Variants in CEP57 observed in about 807,000 individuals in gnomAD.
CEP57 encodes centrosomal protein of 57 kDa.
In CEP57, 40 loss-of-function variants were observed where a neutral mutation model predicts 68.0. That is an observed-to-expected ratio of 0.59 (90% CI 0.46 to 0.77). CEP57 has a LOEUF of 0.77. Ranked by LOEUF, CEP57 falls within the 30% of genes least tolerant of loss-of-function variation. The pLI is 0.00. For missense variants in CEP57, 606 were observed against 580.7 expected, an observed-to-expected ratio of 1.04 and a Z score of -0.45; for synonymous variants, 219 against 198.7, an observed-to-expected ratio of 1.10 and a Z score of -0.86.
intron 1 of CEP57, among the ~76,000 whole-genome samples, chr11:95,796,696 A>C (rs1861362537): frequency 6.6e-6 from 1 of 152,228 alleles, no homozygotes; most frequent in South Asian, 2.1e-4. Context: ...CACTGCCCAG[A>C]TGTTGCTCAG....
In CEP57 at chr11:95,790,673, C is replaced by A. The variant is rs1185350559; in HGVS notation, c.-26C>A. On this transcript the variant is annotated 5_prime_UTR_variant, in exon 1 of 11. Transcript: ENST00000325542. Reference sequence around the variant, plus strand: ...GAGAACCTAGACCGCCCCCGAAGTGCGGAGACCCCCTGGGCAGGCTGAAAG... The same window carrying A: ...GAGAACCTAGACCGCCCCCGAAGTGAGGAGACCCCCTGGGCAGGCTGAAAG... The A allele has an allele frequency of 6.2e-7, 1 of 1,612,754 alleles. No individual in the cohort carries two copies. Among genetic ancestry groups the A allele is most frequent in the East Asian group, 2.2e-5 (1 of 44,858 alleles).
intron 1 of CEP57, among the ~76,000 whole-genome samples, chr11:95,791,851 C>T (rs532376668): frequency 3.0e-4 from 46 of 151,968 alleles, no homozygotes; most frequent in African/African-American, 1.0e-3. Context: ...TGAGATAGTT[C>T]GGAATGAGAA....
At chr11:95,818,731 T>G (rs1862404922) in intron 5 of CEP57, 96 bp from the exon 6 acceptor site, 2 of 918,878 alleles carry the variant, frequency 2.2e-6, no homozygotes, top group Non-Finnish European at 3.6e-6. Flanking sequence ...TTATATTGAG[T>G]AGGATAAAAT....
At chr11:95,794,409 T>G (rs1861243389) in intron 1 of CEP57, 1 of 439,374 alleles carries the variant, frequency 2.3e-6, no homozygotes, top group South Asian at 1.6e-5. Context: ...TTTTACCAAG[T>G]GATTATACCA....
chr11:95,814,711 G>A (rs1011383642), intron 4 of CEP57, among the ~76,000 whole-genome samples: 1 of 152,006 alleles, frequency 6.6e-6, no homozygotes, highest in Non-Finnish European at 1.5e-5. Context: ...TATGAATCTA[G>A]AGTTTGCATT....
At chr11:95,827,275 C>G (rs1246584172) in intron 8 of CEP57, 1 of 156,290 alleles carries the variant, frequency 6.4e-6, no homozygotes, top group Non-Finnish European at 1.4e-5. Context: ...TGTCTACCAC[C>G]TGGATGTACA....
At chr11:95,793,056 A>G (rs1455320727) in intron 1 of CEP57, among the ~76,000 whole-genome samples, 1 of 152,226 alleles carries the variant, frequency 6.6e-6, no homozygotes, top group African/African-American at 2.4e-5. Context: ...GGAGCTAGTT[A>G]TAAGTACATT....
chr11:95,790,764 G>A, intron 1 of CEP57, 21 bp downstream of exon 1: 2 of 1,613,764 alleles, frequency 1.2e-6, no homozygotes, highest in Non-Finnish European at 1.7e-6. Context: ...GTTGGCGCGA[G>A]TGGGCCCCAC....
intron 1 of CEP57, among the ~76,000 whole-genome samples, chr11:95,795,130 C>T (rs750092008): frequency 1.3e-5 from 2 of 152,100 alleles, no homozygotes; most frequent in Non-Finnish European, 2.9e-5. Context: ...ATTCTGGAAC[C>T]TGCTGTTGGA....
rs759033784 is a variant in CEP57 at position 95,804,570 on chromosome 11, A to G, written c.202+5182A>G. On this transcript the variant is annotated intron_variant, in intron 2 of 10. Coordinates refer to ENST00000325542, the MANE Select transcript of CEP57 (RefSeq NM_014679.5). ...AGAGTTGTCAAAGCAGAACTGGAACACTGCGGCCCGTGGTCTCAGGAAGAG... is the reference window on the plus strand; with the variant it reads ...AGAGTTGTCAAAGCAGAACTGGAACGCTGCGGCCCGTGGTCTCAGGAAGAG... 9.3e-4 allele frequency among the ~76,000 whole-genome samples: 142 copies of G among 152,316 alleles called. 1 individual carries two copies. The highest frequency in any genetic ancestry group is 1.8e-3 in the Non-Finnish European group (122 of 68,030).
chr11:95,822,881 T>C, intron 8 of CEP57: 2 of 363,936 alleles, frequency 5.5e-6, no homozygotes, highest in South Asian at 5.4e-5. Flanking sequence ...AGTATGTTTG[T>C]AGCATTGGAT....
At chr11:95,802,284 TCA>T (rs1245952895) in intron 2 of CEP57, among the ~76,000 whole-genome samples, 8 of 148,952 alleles carry the variant, frequency 5.4e-5, no homozygotes, top group African/African-American at 2.0e-4. Flanking sequence ...TGAGACAGTC[TCA>T]CTCTGTCACC....
intron 6 of CEP57, 85 bp downstream of exon 6, chr11:95,818,989 C>A: frequency 9.6e-7 from 1 of 1,041,890 alleles, no homozygotes. Context: ...AGGTATCTTA[C>A]ATTATTTGTA....
chr11:95,808,269 A>AGACTAGGTCTTTACAAAAAC (rs1861898221), intron 2 of CEP57, among the ~76,000 whole-genome samples: 1 of 152,146 alleles, frequency 6.6e-6, no homozygotes, highest in Admixed American at 6.5e-5. Context: ...AAACATGCCA[A>AGACTAGGTCTTTACAAAAAC]ATTGTAAAGA....
intron 6 of CEP57, among the ~76,000 whole-genome samples, 179 bp downstream of exon 6, chr11:95,819,083 A>C (rs1862419109): frequency 6.6e-6 from 1 of 152,218 alleles, no homozygotes; most frequent in African/African-American, 2.4e-5. Flanking sequence ...ACAGAGTAAA[A>C]TTTGAACAGT....
chr11:95,799,744 C>T (rs914912010), intron 2 of CEP57, among the ~76,000 whole-genome samples: 5 of 152,110 alleles, frequency 3.3e-5, no homozygotes, highest in Non-Finnish European at 7.4e-5. Flanking sequence ...ATCTGTAGCC[C>T]AGATGTTCAT....
At chr11:95,816,765 T>C (rs770255191) in intron 4 of CEP57, among the ~76,000 whole-genome samples, 2 of 152,192 alleles carry the variant, frequency 1.3e-5, no homozygotes, top group African/African-American at 2.4e-5. Flanking sequence ...TTTGAAATTA[T>C]CCTAGTATAA....
At chr11:95,822,187 A>C in intron 7 of CEP57, 1 of 594,686 alleles carries the variant, frequency 1.7e-6, no homozygotes, top group Non-Finnish European at 3.0e-6. Flanking sequence ...GGAACTACAG[A>C]ACACCATACA....
chr11:95,816,286 C>G (rs1046167090), intron 4 of CEP57, among the ~76,000 whole-genome samples: 7 of 152,190 alleles, frequency 4.6e-5, no homozygotes, highest in African/African-American at 1.7e-4. Context: ...ATGAGAACAG[C>G]ATGGGGAACC....
Sources: allele counts gnomAD v4.1 joint callset (sites outside exome capture counted in the v4.1 genomes callset), GRCh38; gene constraint gnomAD v4.1.1; transcripts MANE v1.5; gene names NCBI Gene and HGNC (gene_info 2026-07-23, HGNC 2026-07-21).